ANKLE2: variants seen among roughly 807,000 people sequenced by gnomAD.
The protein encoded by ANKLE2 is ankyrin repeat and LEM domain containing 2, also known as ankyrin repeat and LEM domain-containing protein 2.
ANKLE2 carries 55 observed loss-of-function variants against 84.2 expected under a neutral mutation model. The observed-to-expected ratio is 0.65, with a 90% CI of 0.53 to 0.82. ANKLE2 has a LOEUF of 0.82. ANKLE2 is among the 40% of genes least tolerant of loss of function. The probability of loss-of-function intolerance (pLI) is 0.00; values close to 1 mark genes in which losing one functional copy is unlikely to be tolerated. For synonymous variants in ANKLE2, 551 were observed against 486.1 expected (o/e 1.13, Z -1.76); for missense variants, 1,238 against 1,201.9 (o/e 1.03, Z -0.44).
chr12:132,755,193 T>C (rs1342537261), intron 1 of ANKLE2, 60 bp from the exon 2 acceptor site: 16 of 1,437,284 alleles, frequency 1.1e-5, no homozygotes, highest in East Asian at 2.3e-5. Context: ...TGAAGCTGGG[T>C]GATGGGTACT....
intron 5 of ANKLE2, among the ~76,000 whole-genome samples, chr12:132,744,689 C>CT (rs144388066): frequency 7.9e-5 from 12 of 151,662 alleles, no homozygotes; most frequent in Admixed American, 2.0e-4. Flanking sequence ...GCACTATAGA[C>CT]TTTTTTTTTG....
intron 11 of ANKLE2, among the ~76,000 whole-genome samples, chr12:132,728,681 G>T (rs759332189): frequency 6.6e-6 from 1 of 152,202 alleles, no homozygotes; most frequent in Non-Finnish European, 1.5e-5. Flanking sequence ...CCAGGGAGGC[G>T]GATGCAGACT....
At chr12:132,749,741 A>G (rs532985857) in intron 3 of ANKLE2, among the ~76,000 whole-genome samples, 1 of 152,348 alleles carries the variant, frequency 6.6e-6, no homozygotes, top group South Asian at 2.1e-4. Context: ...GCCTCTTCAC[A>G]CAAAACCCTA....
At chr12:132,752,189 A>C (rs936553815) in intron 2 of ANKLE2, among the ~76,000 whole-genome samples, 1 of 151,920 alleles carries the variant, frequency 6.6e-6, no homozygotes, top group Non-Finnish European at 1.5e-5. Context: ...AAAAATATAA[A>C]ATTAGCCGGG....
chr12:132,747,581 C>T (rs1432526093), intron 5 of ANKLE2, among the ~76,000 whole-genome samples: 1 of 152,138 alleles, frequency 6.6e-6, no homozygotes, highest in Non-Finnish European at 1.5e-5. Flanking sequence ...ACAACCGTGT[C>T]CCCAGACAGT....
Position 132,734,521 on chromosome 12 carries a change from G to T in ANKLE2, c.1755C>A (p.Gly585=). Reference sequence around the variant, plus strand: ...CCTGGGAAGACAGATCAACAAAACAGCCCAGAAATTCCCAGTATTCAACCC... The same window carrying T: ...CCTGGGAAGACAGATCAACAAAACATCCCAGAAATTCCCAGTATTCAACCC... ...YPWVEYWEFL[G]CFVDLSSQEG... is the part of the protein sequence containing the mutation. The change falls in exon 10 of 13, where the codon GGC becomes GGA. Residue 585 remains glycine, a synonymous_variant. Coordinates refer to ENST00000357997, the MANE Select transcript of ANKLE2 (RefSeq NM_015114.3). 6.2e-7 allele frequency: 1 copy of T among 1,614,000 alleles called. No homozygotes were observed. The highest frequency in any genetic ancestry group is 8.5e-7 in the Non-Finnish European group (1 of 1,180,000).
At position 132,743,968 on chromosome 12, in the gene ANKLE2, G is replaced by C. The variant is rs1007341209; in HGVS notation, c.1231-692C>G. On this transcript the variant is annotated intron_variant, in intron 5 of 12. Transcript: ENST00000357997. This position sits in a 1 kb window ranked among gnomAD's most constrained non-coding sequence, Gnocchi z 4.1. Reference sequence around the variant, plus strand: ...ACTCAAAGAAGTCTCTGCGGCCTGTGACACCACAGTAAACGAAATTTTTTT... The same window carrying C: ...ACTCAAAGAAGTCTCTGCGGCCTGTCACACCACAGTAAACGAAATTTTTTT... 9.9e-5 allele frequency among the ~76,000 whole-genome samples: 15 copies of C among 152,200 alleles called. No individual in the cohort carries two copies. The highest frequency in any genetic ancestry group is 3.4e-4 in the African/African-American group (14 of 41,432).
chr12:132,759,615 A>AAATT (rs151078096), intron 1 of ANKLE2: 131 of 128,058 alleles, frequency 1.0e-3, no homozygotes, highest in African/African-American at 6.1e-3. Context: ...ATATAAAATA[A>AAATT]ATCAGTATTT....
intron 10 of ANKLE2, chr12:132,731,069 G>A (rs938885811): frequency 5.3e-5 from 8 of 152,362 alleles, no homozygotes; most frequent in Admixed American, 5.2e-4. Context: ...GAGCTCCCGG[G>A]CGCAGCACTG....
intron 5 of ANKLE2, chr12:132,745,207 G>A (rs954615237): frequency 2.5e-5 from 4 of 162,454 alleles, no homozygotes; most frequent in Non-Finnish European, 5.7e-5. Context: ...AAGGCCTGCC[G>A]TCCAACTCCA....
intron 5 of ANKLE2, among the ~76,000 whole-genome samples, chr12:132,746,348 C>CAAAAAAAAAAAAAAAAAAAAAAAAAA (rs566130639): frequency 1.2e-4 from 8 of 66,528 alleles, no homozygotes; most frequent in South Asian, 5.1e-4. Flanking sequence ...GACTCTGTCT[C>CAAAAAAAAAAAAAAAAAAAAAAAAAA]AAAAAAAAAA....
At position 132,732,616 on chromosome 12, in the gene ANKLE2, C is replaced by G. The variant is rs571161424; in HGVS notation, c.1891+1769G>C. 2.4e-4 allele frequency among the ~76,000 whole-genome samples: 27 copies of G among 113,674 alleles called. 1 individual carries two copies. The highest frequency in any genetic ancestry group is 4.8e-4 in the African/African-American group (14 of 29,208). 74.6% of individuals were successfully genotyped at this position (113,674 alleles called of 152,430 possible). On this transcript the variant is annotated intron_variant, in intron 10 of 12. Transcript: ENST00000357997. ...ACGCACCGTGTGAAGCTCTCTGCGT[C>G]CTGGTGTCTGATACGCACCGTGAAG...
At chr12:132,727,594 G>GGATGGAGGAGATGCACTGCTGAACCCT (rs2043732369) in intron 12 of ANKLE2, 151 bp from the exon 13 acceptor site, 2 of 693,414 alleles carry the variant, frequency 2.9e-6, no homozygotes, top group African/African-American at 3.7e-5. Context: ...ACACACGCCC[G>GGATGGAGGAGATGCACTGCTGAACCCT]GGTGGAAGAG....
At chr12:132,751,121 C>G in intron 2 of ANKLE2, 1 of 290,492 alleles carries the variant, frequency 3.4e-6, no homozygotes, top group Non-Finnish European at 6.2e-6. Context: ...AACTAAATTT[C>G]ATATAAAGAT....
intron 3 of ANKLE2, among the ~76,000 whole-genome samples, chr12:132,750,204 CAAAAAA>C (rs1038591889): frequency 1.3e-5 from 1 of 79,446 alleles, no homozygotes; most frequent in Non-Finnish European, 2.3e-5. Context: ...GACTCCATCT[CAAAAAA>C]AAAAAAAAAA....
Position 132,752,963 on chromosome 12 carries a change from G to A in ANKLE2, c.640+1712C>T, listed in dbSNP as rs1167958322. ...GCTTGAAGCCAGGAGTTCAAGACCA[G>A]ACTAAGCAATAAAGCGAGACCCAGT... On this transcript the variant is annotated intron_variant, in intron 2 of 12. Transcript: ENST00000357997. 2.1e-5 allele frequency among the ~76,000 whole-genome samples: 3 copies of A among 145,076 alleles called. No individual in the cohort carries two copies. In the Middle Eastern group the frequency reaches 0.011, roughly 554 times the overall value.
At chr12:132,731,080 T>G (rs547460733) in intron 10 of ANKLE2, 1 of 152,326 alleles carries the variant, frequency 6.6e-6, no homozygotes, top group Admixed American at 6.5e-5. Context: ...CGCAGCACTG[T>G]GCGACAGGCA....
chr12:132,736,783 C>G (rs996715632), intron 8 of ANKLE2, 110 bp downstream of exon 8: 1 of 1,318,664 alleles, frequency 7.6e-7, no homozygotes. Flanking sequence ...CCTTGGGGCT[C>G]CACAGGACAT....
At chr12:132,748,379 C>T (rs749746227) in intron 3 of ANKLE2, 48 bp from the exon 4 acceptor site, 3 of 1,604,902 alleles carry the variant, frequency 1.9e-6, no homozygotes, top group Non-Finnish European at 2.6e-6. Context: ...CACCAAAAGT[C>T]ACTCATCACC....
Sources: allele counts gnomAD v4.1 joint callset (sites outside exome capture counted in the v4.1 genomes callset), GRCh38; gene constraint gnomAD v4.1.1; non-coding constraint Gnocchi (gnomAD v3.1); transcripts MANE v1.5; gene names NCBI Gene and HGNC (gene_info 2026-07-23, HGNC 2026-07-21).